TXLNB: variants seen among roughly 807,000 people sequenced by gnomAD.
The protein encoded by TXLNB is taxilin beta.
Under a neutral mutation model 57.4 loss-of-function variants are expected in TXLNB, and 37 were observed. The observed-to-expected ratio is 0.64, with a 90% confidence interval of 0.50 to 0.85. The LOEUF (loss-of-function observed/expected upper bound fraction) is 0.85, where lower values mean the gene tolerates loss of function less well. Among genes scored for constraint, TXLNB ranks in the 40% least tolerant of loss-of-function variants. The probability of loss-of-function intolerance (pLI) is 0.00; values close to 1 mark genes in which losing one functional copy is unlikely to be tolerated. For synonymous variants in TXLNB, 302 were observed against 309.6 expected (o/e 0.98, Z 0.26); for missense variants, 848 against 825.6 (o/e 1.03, Z -0.33).
At chr6:139,250,031 T>C (rs1439911217) in intron 7 of TXLNB, among the ~76,000 whole-genome samples, 7 of 152,076 alleles carry the variant, frequency 4.6e-5, no homozygotes, top group Admixed American at 3.3e-4. Context: ...TTTCTTTCTT[T>C]TAAGAGACAG....
At chr6:139,231,041 C>T in the TXLNB span, among the ~76,000 whole-genome samples, 2 of 152,150 alleles carry the variant, frequency 1.3e-5, no homozygotes, top group African/African-American at 4.8e-5. Context: ...ACATACAATG[C>T]ACTCCCAGAA....
the TXLNB span, chr6:139,167,000 G>T: frequency 6.2e-7 from 1 of 1,614,222 alleles, no homozygotes. Context: ...TGCGGGGTTG[G>T]CAGTTCACAG....
At chr6:139,194,449 C>T in the TXLNB span, among the ~76,000 whole-genome samples, 87 of 152,284 alleles carry the variant, frequency 5.7e-4, no homozygotes, top group African/African-American at 2.1e-3. Context: ...CTACATTCTC[C>T]CCCATTTCAA....
chr6:139,292,082 G>GCA (rs201028254), upstream of TXLNB: 10,098 of 135,112 alleles, frequency 0.075, 415 homozygotes, highest in Non-Finnish European at 0.096. The surrounding 1 kb of genome is among the most constrained non-coding windows in gnomAD (Gnocchi z 4.0). Flanking sequence ...GCACGCACGC[G>GCA]CGCGCACACA....
chr6:139,316,271 A>T, the TXLNB span, among the ~76,000 whole-genome samples: 2 of 152,212 alleles, frequency 1.3e-5, no homozygotes, highest in Non-Finnish European at 2.9e-5. Context: ...TTAGAAAAGA[A>T]CACTATTAAG....
chr6:139,166,864 C>T, the TXLNB span: 4 of 1,614,022 alleles, frequency 2.5e-6, no homozygotes, highest in East Asian at 4.5e-5. Flanking sequence ...CTCCTGCCCA[C>T]TTCAGCGGCC....
chr6:139,271,480 A>G (rs373667611), intron 3 of TXLNB: 1 of 152,234 alleles, frequency 6.6e-6, no homozygotes, highest in African/African-American at 2.4e-5. Context: ...GTTCTAGGGT[A>G]GGGTTGTCAG....
At chr6:139,203,256 G>C in the TXLNB span, among the ~76,000 whole-genome samples, 1 of 151,992 alleles carries the variant, frequency 6.6e-6, no homozygotes, top group Admixed American at 6.6e-5. Context: ...AATCTTAAAA[G>C]TTCTTCCCTG....
rs117176324 is a variant in TXLNB, at chr6:139,247,383, T to A, written c.1170+434A>T. ...TCTCGAACTCCTGATCTTGTGATCCTCATGCCTTGGGCTCCCAAAGTGCTG... is the reference window on the plus strand; with the variant it reads ...TCTCGAACTCCTGATCTTGTGATCCACATGCCTTGGGCTCCCAAAGTGCTG... On this transcript the variant is annotated intron_variant, in intron 8 of 9. Transcript: ENST00000358430. 1.5e-3 allele frequency among the ~76,000 whole-genome samples: 228 copies of A among 152,012 alleles called. 3 individuals are homozygous for A. The East Asian group carries it at 0.027, about 18-fold the overall frequency.
chr6:139,233,607 C>A, the TXLNB span, among the ~76,000 whole-genome samples: 2 of 151,982 alleles, frequency 1.3e-5, no homozygotes, highest in African/African-American at 4.8e-5. Context: ...CTCACTCTGT[C>A]CTGCCACCCT....
At chr6:139,160,331 C>T in the TXLNB span, among the ~76,000 whole-genome samples, 1 of 152,152 alleles carries the variant, frequency 6.6e-6, no homozygotes, top group Non-Finnish European at 1.5e-5. Context: ...ATTAATGCGC[C>T]AAGGGAAGTT....
chr6:139,323,570 A>G, the TXLNB span, among the ~76,000 whole-genome samples: 20 of 152,180 alleles, frequency 1.3e-4, no homozygotes, highest in African/African-American at 4.8e-4. Context: ...GGCGTGAGCC[A>G]CCGCGCCCAG....
chr6:139,179,691 T>C, the TXLNB span: 1 of 152,204 alleles, frequency 6.6e-6, no homozygotes, highest in Admixed American at 6.5e-5. Flanking sequence ...AAATCTTATT[T>C]TGGAAATCTA....
At chr6:139,194,114 T>C in the TXLNB span, among the ~76,000 whole-genome samples, 1 of 152,144 alleles carries the variant, frequency 6.6e-6, no homozygotes, top group Non-Finnish European at 1.5e-5. Flanking sequence ...GTGTAATTTT[T>C]ATATTTTTAG....
At chr6:139,314,707 A>G in the TXLNB span, among the ~76,000 whole-genome samples, 2 of 152,230 alleles carry the variant, frequency 1.3e-5, no homozygotes, top group Non-Finnish European at 2.9e-5. Flanking sequence ...CTGGAACAAT[A>G]CTAAGTAGTT....
chr6:139,180,755 C>CTGTT, the TXLNB span: 2 of 152,576 alleles, frequency 1.3e-5, no homozygotes, highest in Non-Finnish European at 2.9e-5. Flanking sequence ...TAGAGGGTTT[C>CTGTT]TGTTTGTGAA....
the TXLNB span, among the ~76,000 whole-genome samples, chr6:139,222,416 A>C: frequency 6.6e-6 from 1 of 152,224 alleles, no homozygotes; most frequent in African/African-American, 2.4e-5. Context: ...ATATTTCATA[A>C]TAAAGTGGCC....
chr6:139,222,958 G>C, the TXLNB span, among the ~76,000 whole-genome samples: 1 of 152,040 alleles, frequency 6.6e-6, no homozygotes, highest in African/African-American at 2.4e-5. Context: ...GAATCAACAG[G>C]GTTAAAGAAG....
At chr6:139,290,269 A>G (rs1015870635) in intron 1 of TXLNB, among the ~76,000 whole-genome samples, 2 of 152,138 alleles carry the variant, frequency 1.3e-5, no homozygotes, top group African/African-American at 2.4e-5. Flanking sequence ...AGTCCCAGCT[A>G]CTTGGGAGGC....
Sources: allele counts gnomAD v4.1 joint callset (sites outside exome capture counted in the v4.1 genomes callset), GRCh38; gene constraint gnomAD v4.1.1; non-coding constraint Gnocchi (gnomAD v3.1); transcripts MANE v1.5; gene names NCBI Gene and HGNC (gene_info 2026-07-23, HGNC 2026-07-21).